ZMYM4: variants seen among roughly 807,000 people sequenced by gnomAD.
ZMYM4 encodes zinc finger MYM-type protein 4.
Under a neutral mutation model 183.2 loss-of-function variants are expected in ZMYM4, and 31 were observed. That is an observed-to-expected ratio of 0.17 (90% CI 0.13 to 0.23). ZMYM4 has a LOEUF of 0.23. Among genes scored for constraint, ZMYM4 ranks in the 10% least tolerant of loss-of-function variants. The probability of loss-of-function intolerance (pLI) is 1.00; values close to 1 mark genes in which losing one functional copy is unlikely to be tolerated. For missense variants in ZMYM4, 1,273 were observed against 1,840.3 expected, an observed-to-expected ratio of 0.69 and a Z score of 5.64; for synonymous variants, 592 against 631.2, an observed-to-expected ratio of 0.94 and a Z score of 0.93.
At chr1:35,332,590 C>A (rs1642802147) in intron 2 of ZMYM4, among the ~76,000 whole-genome samples, 1 of 152,106 alleles carries the variant, frequency 6.6e-6, no homozygotes, top group Non-Finnish European at 1.5e-5. Context: ...AGTCTGTTAC[C>A]TTGCCTTCCT....
At chr1:35,321,370 G>A (rs1404655084) in intron 1 of ZMYM4, among the ~76,000 whole-genome samples, 1 of 152,144 alleles carries the variant, frequency 6.6e-6, no homozygotes, top group African/African-American at 2.4e-5. Context: ...AAAAGCTTAA[G>A]CACTGTGCAC....
intron 1 of ZMYM4, among the ~76,000 whole-genome samples, chr1:35,303,372 ATC>A (rs1211308165): frequency 1.3e-5 from 2 of 150,638 alleles, no homozygotes; most frequent in East Asian, 2.0e-4. Flanking sequence ...TGTAGTGGTG[ATC>A]TCTCTTTCAT....
At chr1:35,329,889 A>G (rs1049228170) in intron 2 of ZMYM4, among the ~76,000 whole-genome samples, 4 of 152,112 alleles carry the variant, frequency 2.6e-5, no homozygotes, top group African/African-American at 9.7e-5. Context: ...TTAGAATATT[A>G]GGTTTAACTA....
intron 1 of ZMYM4, among the ~76,000 whole-genome samples, chr1:35,315,608 A>G (rs1201471601): frequency 6.6e-6 from 1 of 152,160 alleles, no homozygotes; most frequent in Non-Finnish European, 1.5e-5. Flanking sequence ...AAATGCGAAA[A>G]GAAGATGTAT....
At chr1:35,294,503 T>G (rs757780159) in intron 1 of ZMYM4, among the ~76,000 whole-genome samples, 1 of 152,146 alleles carries the variant, frequency 6.6e-6, no homozygotes. Context: ...TAGGGGAATA[T>G]AGAACCTTGT....
At position 35,381,421 on chromosome 1, in the gene ZMYM4, G is replaced by A. The variant is rs1004458936; in HGVS notation, c.1344G>A (p.Gln448=). The A allele has an allele frequency of 6.2e-7, 1 of 1,608,252 alleles. No individual in the cohort carries two copies. The highest frequency in any genetic ancestry group is 1.7e-5 in the Admixed American group (1 of 59,398). ...TTTCAACCAAATGCAGCATGTGTCAGAAGAATGCTGTTGTAAGTTACCATT... is the reference window on the plus strand; with the variant it reads ...TTTCAACCAAATGCAGCATGTGTCAAAAGAATGCTGTTGTAAGTTACCATT... ...NSISTKCSMC[Q]KNAVIRHEVN... Residue 448 remains glutamine (Q), a synonymous_variant, in exon 8 of 30, where the codon CAG becomes CAA. Coordinates refer to ENST00000314607, the MANE Select transcript of ZMYM4 (RefSeq NM_005095.3).
intron 1 of ZMYM4, among the ~76,000 whole-genome samples, chr1:35,299,909 C>T (rs546519955): frequency 4.6e-5 from 7 of 152,106 alleles, no homozygotes; most frequent in South Asian, 2.1e-4. Context: ...ATTCTCCTGC[C>T]GCAGCCTACA....
At chr1:35,270,259 C>T (rs555482452) in intron 1 of ZMYM4, among the ~76,000 whole-genome samples, 1 of 152,210 alleles carries the variant, frequency 6.6e-6, no homozygotes, top group African/African-American at 2.4e-5. Context: ...CAGGTTTGTC[C>T]CAACTATAGT....
chr1:35,345,916 A>T (rs111504930), intron 2 of ZMYM4, among the ~76,000 whole-genome samples: 20 of 152,304 alleles, frequency 1.3e-4, no homozygotes, highest in African/African-American at 4.8e-4. Flanking sequence ...CGAAACTGAA[A>T]CTGTACACCC....
intron 1 of ZMYM4, among the ~76,000 whole-genome samples, chr1:35,323,755 A>G (rs997284414): frequency 1.3e-4 from 19 of 151,732 alleles, no homozygotes; most frequent in African/African-American, 4.6e-4. Flanking sequence ...GGGTTTCACC[A>G]TAATTAGCCA....
chr1:35,287,166 C>T (rs1640543820), intron 1 of ZMYM4, among the ~76,000 whole-genome samples: 1 of 151,416 alleles, frequency 6.6e-6, no homozygotes, highest in Admixed American at 6.6e-5. Context: ...AGTGTTATTC[C>T]CTCAGCTTGT....
intron 1 of ZMYM4, among the ~76,000 whole-genome samples, chr1:35,271,633 C>G (rs1173604326): frequency 1.3e-5 from 2 of 152,168 alleles, no homozygotes; most frequent in Admixed American, 1.3e-4. Flanking sequence ...GAACTCCTGA[C>G]CTCTGGTGAT....
chr1:35,271,676 T>G (rs1639614374), intron 1 of ZMYM4, among the ~76,000 whole-genome samples: 1 of 152,258 alleles, frequency 6.6e-6, no homozygotes, highest in Non-Finnish European at 1.5e-5. Flanking sequence ...GTGCTGGGAT[T>G]ACAGGTGTGA....
intron 23 of ZMYM4, among the ~76,000 whole-genome samples, chr1:35,401,152 G>A (rs1644901836): frequency 6.6e-6 from 1 of 152,198 alleles, no homozygotes; most frequent in Admixed American, 6.5e-5. Flanking sequence ...CTAGGAATGA[G>A]ATTGCTAGGT....
intron 23 of ZMYM4, among the ~76,000 whole-genome samples, chr1:35,403,965 C>T (rs1438950308): frequency 3.3e-5 from 5 of 152,152 alleles, no homozygotes; most frequent in Non-Finnish European, 7.3e-5. Context: ...GCATGAGAGT[C>T]ACAAGTGATC....
intron 22 of ZMYM4, 109 bp from the exon 23 acceptor site, chr1:35,399,373 A>T: frequency 9.7e-7 from 1 of 1,026,930 alleles, no homozygotes; most frequent in East Asian, 2.6e-5. Flanking sequence ...TATCACAAAC[A>T]AACTAATGAA....
intron 26 of ZMYM4, among the ~76,000 whole-genome samples, chr1:35,408,760 A>T (rs1277323018): frequency 6.6e-6 from 1 of 152,156 alleles, no homozygotes; most frequent in African/African-American, 2.4e-5. Context: ...TTGCAGAATT[A>T]TATATATAGT....
chr1:35,396,450 T>C lies in ZMYM4; in HGVS notation c.2912-102T>C. On this transcript the variant is annotated intron_variant, in intron 18 of 29. Coordinates refer to ENST00000314607, the MANE Select transcript of ZMYM4 (RefSeq NM_005095.3). ...GTCCTGTAGTGTCATAGGTTACTCT[T>C]ATTTTGAACTATAAACCTCCATAAG... 4 of 1,500,948 alleles carry C rather than the reference T, an allele frequency of 2.7e-6. No homozygotes were observed. The Admixed American group carries it at 8.6e-5, about 32-fold the overall frequency. The allele number at this position is 1,500,948 out of a possible 1,614,324, so 93.0% of individuals were successfully genotyped here. A position where few individuals can be genotyped will look rare whatever the true frequency, so the allele number is the denominator to read the frequency against.
intron 1 of ZMYM4, among the ~76,000 whole-genome samples, chr1:35,284,985 A>G (rs1640401909): frequency 6.6e-6 from 1 of 152,190 alleles, no homozygotes; most frequent in Admixed American, 6.5e-5. Context: ...AGACCATAAC[A>G]ACGACAAATG....
Sources: allele counts gnomAD v4.1 joint callset (sites outside exome capture counted in the v4.1 genomes callset), GRCh38; gene constraint gnomAD v4.1.1; transcripts MANE v1.5; gene names NCBI Gene and HGNC (gene_info 2026-07-23, HGNC 2026-07-21).